NALCN: variants seen among roughly 807,000 people sequenced by gnomAD.
NALCN encodes sodium leak channel, non-selective, also known as sodium leak channel NALCN.
In NALCN, 111 loss-of-function variants were observed where a neutral mutation model predicts 225.3. The ratio of observed to expected loss-of-function variants is 0.49; its 90% CI spans 0.42 to 0.58. The LOEUF (loss-of-function observed/expected upper bound fraction) is 0.58. Ranked by LOEUF, NALCN falls within the 20% of genes least tolerant of loss-of-function variation. NALCN has a pLI of 0.00. For synonymous variants in NALCN, 764 were observed against 769.0 expected, an observed-to-expected ratio of 0.99 and a Z score of 0.11; for missense variants, 1,378 against 2,202.4, an observed-to-expected ratio of 0.63 and a Z score of 7.49.
At chr13:101,350,262 C>A (rs1016808678) in intron 6 of NALCN, among the ~76,000 whole-genome samples, 6 of 152,126 alleles carry the variant, frequency 3.9e-5, no homozygotes, top group African/African-American at 1.4e-4. Context: ...CCCCTTTGTA[C>A]CCCCTTTCCC....
At chr13:101,340,492 T>C (rs933695009) in intron 7 of NALCN, among the ~76,000 whole-genome samples, 2 of 152,220 alleles carry the variant, frequency 1.3e-5, no homozygotes, top group Non-Finnish European at 2.9e-5. Context: ...TCCCAATTTC[T>C]AGTTCATTCT....
intron 30 of NALCN, 121 bp from the exon 31 acceptor site, chr13:101,083,925 C>A: frequency 1.2e-6 from 1 of 818,762 alleles, no homozygotes; most frequent in Non-Finnish European, 1.8e-6. Flanking sequence ...CATGTTCTTC[C>A]AACCGTGGTG....
intron 6 of NALCN, among the ~76,000 whole-genome samples, chr13:101,351,224 C>G (rs890976671): frequency 1.3e-5 from 2 of 152,080 alleles, no homozygotes; most frequent in Non-Finnish European, 2.9e-5. Flanking sequence ...GTTTTATGCA[C>G]TTTTAAGTGT....
At chr13:101,396,814 T>A (rs1470982074) in intron 2 of NALCN, among the ~76,000 whole-genome samples, 2 of 151,936 alleles carry the variant, frequency 1.3e-5, no homozygotes, top group Non-Finnish European at 2.9e-5. Flanking sequence ...AATGAAGAAT[T>A]ATTAATTTTA....
At chr13:101,187,176 C>A (rs1235103915) in intron 14 of NALCN, among the ~76,000 whole-genome samples, 1 of 152,102 alleles carries the variant, frequency 6.6e-6, no homozygotes, top group African/African-American at 2.4e-5. Context: ...ATTCACATAA[C>A]TTTTATTACA....
At chr13:101,231,045 A>G (rs2041326914) in intron 12 of NALCN, among the ~76,000 whole-genome samples, 1 of 152,150 alleles carries the variant, frequency 6.6e-6, no homozygotes, top group Non-Finnish European at 1.5e-5. Context: ...GTAGCCTAGG[A>G]GCAATAGGCC....
At chr13:101,157,218 G>A (rs991282322) in intron 15 of NALCN, among the ~76,000 whole-genome samples, 3 of 152,122 alleles carry the variant, frequency 2.0e-5, no homozygotes, top group African/African-American at 4.8e-5. Context: ...ATGTATGTGT[G>A]TACTTGAGTT....
At chr13:101,157,766 T>C (rs925487654) in intron 15 of NALCN, among the ~76,000 whole-genome samples, 2 of 141,486 alleles carry the variant, frequency 1.4e-5, no homozygotes, top group East Asian at 4.3e-4. Flanking sequence ...TTTTTTTTTT[T>C]CCTGAGATGG....
chr13:101,377,887 A>C (rs1368731152), intron 4 of NALCN, among the ~76,000 whole-genome samples: 1 of 152,132 alleles, frequency 6.6e-6, no homozygotes, highest in Non-Finnish European at 1.5e-5. Context: ...AGGCAAAATC[A>C]TGTCTGAATG....
chr13:101,084,868 C>A (rs2033853837), intron 30 of NALCN, among the ~76,000 whole-genome samples: 1 of 152,122 alleles, frequency 6.6e-6, no homozygotes, highest in South Asian at 2.1e-4. Flanking sequence ...TTACATTTAC[C>A]AGATGTTGCC....
intron 3 of NALCN, among the ~76,000 whole-genome samples, chr13:101,387,254 A>C (rs891568381): frequency 7.0e-6 from 1 of 143,786 alleles, no homozygotes; most frequent in Non-Finnish European, 1.5e-5. Context: ...AAAAAAAAAA[A>C]CAGGTTAGCA....
rs372419170 is a variant in NALCN, at chr13:101,062,059, G to A, written c.4664C>T (p.Ala1555Val). Reference protein sequence around the residue: ...RKSLQLEELLAREQLEYTIEE... With the variant: ...RKSLQLEELLVREQLEYTIEE... Reference sequence around the variant, plus strand: ...TATGGTGTACTCCAGCTGCTCCCTCGCCAGGAGTTCCTCCAGCTGCAAGCT... The same window carrying A: ...TATGGTGTACTCCAGCTGCTCCCTCACCAGGAGTTCCTCCAGCTGCAAGCT... The change falls in exon 41 of 44, where the codon GCG becomes GTG. Residue 1555 changes from alanine (A) to valine (V), a missense_variant. By Grantham distance (64) the Ala-to-Val change is moderately conservative. Transcript: ENST00000251127. 1.9e-6 allele frequency: 3 copies of A among 1,614,062 alleles called. No individual in the cohort carries two copies. The highest frequency in any genetic ancestry group is 2.5e-6 in the Non-Finnish European group (3 of 1,179,994).
chr13:101,274,924 C>T (rs1301320066), intron 10 of NALCN, among the ~76,000 whole-genome samples: 3 of 152,118 alleles, frequency 2.0e-5, no homozygotes, highest in African/African-American at 4.8e-5. Context: ...CCTCCCATTC[C>T]ATGAAGCTAA....
At position 101,365,704 on chromosome 13, in the gene NALCN, C is replaced by T. The variant is rs74117893; in HGVS notation, c.644+10996G>A. On this transcript the variant is annotated intron_variant, in intron 6 of 43. Transcript: ENST00000251127. ...TGTCTACATTGAGATTCCTTAAAAT[C>T]GAATAACAGGCTGTTAGTGATTACT... Among the ~76,000 whole-genome samples, 1,111 of 152,104 alleles carry T rather than the reference C, an allele frequency of 7.3e-3. 14 individuals are homozygous for T. The highest frequency in any genetic ancestry group is 0.025 in the African/African-American group (1,052 of 41,504).
At chr13:101,286,646 G>A (rs2043347684) in intron 9 of NALCN, among the ~76,000 whole-genome samples, 1 of 152,066 alleles carries the variant, frequency 6.6e-6, no homozygotes, top group Non-Finnish European at 1.5e-5. Context: ...TTTGTCCCTT[G>A]CAACTGAATG....
At position 101,103,132 on chromosome 13, in the gene NALCN, GA is replaced by G. The variant is rs374730795; in HGVS notation, c.3057+39del. The G allele has an allele frequency of 1.7e-4, 265 of 1,596,794 alleles. 2 individuals are homozygous for G. The East Asian group carries it at 4.0e-3, about 24-fold the overall frequency. On this transcript the variant is annotated intron_variant, in intron 26 of 43. Transcript: ENST00000251127. ...TCCCTCATTAGCTGCATTAGAGGTGGACTACTGTGAACTGGAATCAAAGGAT... is the reference window on the plus strand; with the variant it reads ...TCCCTCATTAGCTGCATTAGAGGTGGCTACTGTGAACTGGAATCAAAGGAT...
chr13:101,183,741 G>C (rs941780695), intron 14 of NALCN, among the ~76,000 whole-genome samples: 2 of 151,912 alleles, frequency 1.3e-5, no homozygotes, highest in African/African-American at 4.8e-5. Context: ...ATTATAGGGG[G>C]AGCCACCACG....
chr13:101,246,424 TC>T (rs1327934853), intron 11 of NALCN, among the ~76,000 whole-genome samples: 3 of 152,184 alleles, frequency 2.0e-5, no homozygotes, highest in African/African-American at 7.2e-5. Flanking sequence ...GCAATCCCAT[TC>T]TCTTACATGA....
Position 101,337,655 on chromosome 13 carries a change from A to T in NALCN, c.799+7611T>A, listed in dbSNP as rs1239093004. On this transcript the variant is annotated intron_variant, in intron 7 of 43. Transcript: ENST00000251127. ...ACTTGTCTAAAGACTTCAGGACAAG[A>T]GGGAGGTCACCATGTTGCAGGATAT... Among the ~76,000 whole-genome samples, 5 of 152,182 alleles carry T rather than the reference A, an allele frequency of 3.3e-5. No individual in the cohort carries two copies. In the South Asian group the frequency reaches 6.2e-4, roughly 19 times the overall value.
Sources: allele counts gnomAD v4.1 joint callset (sites outside exome capture counted in the v4.1 genomes callset), GRCh38; gene constraint gnomAD v4.1.1; transcripts MANE v1.5; gene names NCBI Gene and HGNC (gene_info 2026-07-23, HGNC 2026-07-21).